RNF144A: variants seen among roughly 807,000 people sequenced by gnomAD.
RNF144A encodes ring finger protein 144A, also known as E3 ubiquitin-protein ligase RNF144A.
A neutral mutation model predicts 38.7 loss-of-function variants in RNF144A; 11 were observed. The ratio of observed to expected loss-of-function variants is 0.28; its 90% CI spans 0.18 to 0.47. RNF144A has a LOEUF of 0.47. Among genes scored for constraint, RNF144A ranks in the 20% least tolerant of loss-of-function variants. The pLI, the probability that RNF144A is intolerant of heterozygous loss-of-function variation, is 0.99. For synonymous variants in RNF144A, 149 were observed against 143.9 expected (o/e 1.04, Z -0.25); for missense variants, 316 against 377.2 (o/e 0.84, Z 1.34).
At chr2:7,075,284 C>CCA in the RNF144A span, among the ~76,000 whole-genome samples, 1 of 151,244 alleles carries the variant, frequency 6.6e-6, no homozygotes, top group Admixed American at 6.6e-5. Context: ...TGGAACATCC[C>CCA]CCCCCCCACA....
chr2:7,024,334 G>T (rs112892255), intron 6 of RNF144A, 35 bp from the exon 7 acceptor site: 2 of 1,565,216 alleles, frequency 1.3e-6, no homozygotes, highest in Admixed American at 1.7e-5. Context: ...CGTGGGATCC[G>T]TTTGTGCAGA....
At chr2:7,044,752 G>A (rs1041323150), downstream of RNF144A, among the ~76,000 whole-genome samples, 4 of 152,170 alleles carry the variant, frequency 2.6e-5, no homozygotes, top group Non-Finnish European at 4.4e-5. Context: ...TACCTCATGC[G>A]TTCATATGAT....
downstream of RNF144A, among the ~76,000 whole-genome samples, chr2:7,048,409 T>C (rs1022433405): frequency 1.3e-5 from 2 of 152,190 alleles, no homozygotes; most frequent in African/African-American, 2.4e-5. Flanking sequence ...ATTCTTCACT[T>C]TAGGCAAGAA....
intron 1 of RNF144A, among the ~76,000 whole-genome samples, chr2:6,919,558 C>T (rs533370523): frequency 2.6e-5 from 4 of 152,170 alleles, no homozygotes; most frequent in African/African-American, 9.6e-5. Context: ...GATCTGAGCC[C>T]TGCTTTAGAG....
chr2:7,031,592 G>T (rs1186778235), intron 8 of RNF144A, among the ~76,000 whole-genome samples: 2 of 152,230 alleles, frequency 1.3e-5, no homozygotes, highest in Non-Finnish European at 2.9e-5. Flanking sequence ...AGGCGTGAAG[G>T]GCTCAAGTCT....
At chr2:6,942,044 C>G (rs1019149076) in intron 2 of RNF144A, among the ~76,000 whole-genome samples, 1 of 152,238 alleles carries the variant, frequency 6.6e-6, no homozygotes, top group East Asian at 1.9e-4. Context: ...TTACTCTGGC[C>G]TCTACATTGA....
At chr2:7,057,095 AC>A (rs1673771156) in intron 6 of RNF144A, among the ~76,000 whole-genome samples, 1 of 152,144 alleles carries the variant, frequency 6.6e-6, no homozygotes. Flanking sequence ...GCTTATGGGG[AC>A]TATTATACAG....
chr2:7,071,261 C>A (rs1039969351), downstream of RNF144A, among the ~76,000 whole-genome samples: 5 of 152,138 alleles, frequency 3.3e-5, no homozygotes, highest in Admixed American at 1.3e-4. Flanking sequence ...TTACAGAAGC[C>A]CTGGGAAACT....
At chr2:7,026,170 G>C (rs557271381) in intron 7 of RNF144A, among the ~76,000 whole-genome samples, 1 of 152,166 alleles carries the variant, frequency 6.6e-6, no homozygotes, top group Admixed American at 6.5e-5. Context: ...ATATGGTAAC[G>C]GTCTGGAATA....
At chr2:6,928,600 C>T (rs911073967) in intron 1 of RNF144A, among the ~76,000 whole-genome samples, 1 of 152,246 alleles carries the variant, frequency 6.6e-6, no homozygotes, top group Non-Finnish European at 1.5e-5. Flanking sequence ...CCTCCACTGG[C>T]CTCCTGCATG....
At chr2:6,945,879 T>C (rs1666311555) in intron 2 of RNF144A, among the ~76,000 whole-genome samples, 1 of 152,096 alleles carries the variant, frequency 6.6e-6, no homozygotes, top group Non-Finnish European at 1.5e-5. Flanking sequence ...AGGAAAGAGA[T>C]GAGGAGAACC....
At chr2:7,073,401 C>T in the RNF144A span, among the ~76,000 whole-genome samples, 1 of 143,084 alleles carries the variant, frequency 7.0e-6, no homozygotes, top group Admixed American at 6.8e-5. Context: ...TGAAGGCCAA[C>T]ATGAGGTCAG....
intron 2 of RNF144A, among the ~76,000 whole-genome samples, chr2:6,971,821 G>C (rs1225512242): frequency 6.6e-6 from 1 of 152,142 alleles, no homozygotes; most frequent in Non-Finnish European, 1.5e-5. Flanking sequence ...CTGCTTCTCT[G>C]CTTTTCAGTG....
intron 1 of RNF144A, among the ~76,000 whole-genome samples, chr2:6,940,611 C>T (rs76881053): frequency 2.1e-3 from 315 of 152,106 alleles, no homozygotes; most frequent in African/African-American, 7.3e-3. Flanking sequence ...GAGAAGCAAG[C>T]GTTTCTGTGG....
chr2:6,949,414 T>G (rs1441772793), intron 2 of RNF144A, among the ~76,000 whole-genome samples: 1 of 151,850 alleles, frequency 6.6e-6, no homozygotes, highest in Non-Finnish European at 1.5e-5. Flanking sequence ...CCTTCTTTTT[T>G]TTTTTTTAAG....
chr2:7,030,283 GTGTGTGTGTGTGTGTGTGTGTGTA>G, intron 8 of RNF144A, 68 bp downstream of exon 8: 5 of 907,694 alleles, frequency 5.5e-6, no homozygotes, highest in South Asian at 4.2e-5. Flanking sequence ...GTGTGTGTGT[GTGTGTGTGTGTGTGTGTGTGTGTA>G]TGTATATCTT....
At chr2:7,018,213 G>A (rs1572412323) in intron 5 of RNF144A, among the ~76,000 whole-genome samples, 1 of 152,236 alleles carries the variant, frequency 6.6e-6, no homozygotes, top group African/African-American at 2.4e-5. Flanking sequence ...CTAGCAGGCA[G>A]CGCTGCCCTT....
At chr2:7,070,448 G>C (rs1311947424), downstream of RNF144A, among the ~76,000 whole-genome samples, 3 of 152,214 alleles carry the variant, frequency 2.0e-5, no homozygotes, top group African/African-American at 7.2e-5. Flanking sequence ...TGACTGCTTT[G>C]AAGAGGCTAG....
intron 5 of RNF144A, among the ~76,000 whole-genome samples, chr2:7,017,197 G>T (rs114832104): frequency 6.6e-6 from 1 of 152,182 alleles, no homozygotes; most frequent in Non-Finnish European, 1.5e-5. Flanking sequence ...TCTATCTGGA[G>T]GCTCAGCCCT....
Sources: allele counts gnomAD v4.1 joint callset (sites outside exome capture counted in the v4.1 genomes callset), GRCh38; gene constraint gnomAD v4.1.1; transcripts MANE v1.5; gene names NCBI Gene and HGNC (gene_info 2026-07-23, HGNC 2026-07-21).